The following PIK3C2G variants were observed in gnomAD, a reference collection of about 807,000 sequenced individuals.
PIK3C2G encodes phosphatidylinositol-4-phosphate 3-kinase catalytic subunit type 2 gamma.
A neutral mutation model predicts 181.1 loss-of-function variants in PIK3C2G; 168 were observed. That is an observed-to-expected ratio of 0.93 (90% CI 0.82 to 1.05). PIK3C2G has a LOEUF of 1.05. Among genes scored for constraint, PIK3C2G ranks in the 50% least tolerant of loss-of-function variants. The probability of loss-of-function intolerance (pLI) is 0.00; values close to 1 mark genes in which losing one functional copy is unlikely to be tolerated. For missense variants in PIK3C2G, 1,869 were observed against 1,732.8 expected (o/e 1.08, Z -1.40); for synonymous variants, 573 against 592.2 (o/e 0.97, Z 0.47).
chr12:18,650,335 A>C (rs1185949804), downstream of PIK3C2G, among the ~76,000 whole-genome samples: 8 of 131,072 alleles, frequency 6.1e-5, no homozygotes, highest in Admixed American at 3.0e-4. Flanking sequence ...CTCTCTCTAT[A>C]TATATATATA....
intron 26 of PIK3C2G, among the ~76,000 whole-genome samples, chr12:18,557,113 T>G (rs1248979026): frequency 6.6e-6 from 1 of 152,132 alleles, no homozygotes; most frequent in Non-Finnish European, 1.5e-5. Flanking sequence ...CTGGAAAGTT[T>G]TAGTACACTC....
chr12:18,687,070 G>A, the PIK3C2G span, among the ~76,000 whole-genome samples: 9 of 152,154 alleles, frequency 5.9e-5, no homozygotes, highest in South Asian at 4.1e-4. Context: ...GGACACAGCC[G>A]TAGCAATGTG....
intron 31 of PIK3C2G, among the ~76,000 whole-genome samples, chr12:18,621,561 A>G (rs1374054263): frequency 6.6e-6 from 1 of 151,702 alleles, no homozygotes; most frequent in African/African-American, 2.4e-5. Context: ...TTATTAACAT[A>G]CATGTGTATA....
chr12:18,710,292 T>C, the PIK3C2G span, among the ~76,000 whole-genome samples: 1 of 151,142 alleles, frequency 6.6e-6, no homozygotes, highest in African/African-American at 2.4e-5. Flanking sequence ...CACTCTGAAT[T>C]AGGTGAGGGA....
intron 5 of PIK3C2G, among the ~76,000 whole-genome samples, chr12:18,296,866 G>C (rs1047082356): frequency 6.6e-6 from 1 of 152,052 alleles, no homozygotes; most frequent in Non-Finnish European, 1.5e-5. Flanking sequence ...ATGGAAGCTT[G>C]ATGCAAAATT....
intron 18 of PIK3C2G, among the ~76,000 whole-genome samples, chr12:18,427,037 CAT>C: frequency 6.6e-6 from 1 of 152,214 alleles, no homozygotes; most frequent in East Asian, 1.9e-4. Context: ...GTTCTGCTGT[CAT>C]ATTAAATGTA....
the PIK3C2G span, among the ~76,000 whole-genome samples, chr12:18,661,820 C>T: frequency 2.6e-5 from 4 of 152,044 alleles, no homozygotes; most frequent in East Asian, 1.9e-4. Context: ...ATTGTTCTAC[C>T]GTTGTAGAAA....
intron 29 of PIK3C2G, among the ~76,000 whole-genome samples, chr12:18,580,377 T>C (rs1946437092): frequency 6.6e-6 from 1 of 152,194 alleles, no homozygotes; most frequent in Admixed American, 6.5e-5. Context: ...AGCAGTGTTA[T>C]TTTTTTAAAG....
the PIK3C2G span, among the ~76,000 whole-genome samples, chr12:18,654,314 T>C: frequency 1.5e-5 from 2 of 136,020 alleles, no homozygotes; most frequent in African/African-American, 5.5e-5. Context: ...AAAAAAAATC[T>C]ATCAGATAAG....
rs1238825096 is a variant in PIK3C2G at position 18,503,343 on chromosome 12, A to T, written c.3079A>T (p.Ile1027Leu). 1 of 1,611,552 alleles carries T rather than the reference A, an allele frequency of 6.2e-7. No individual in the cohort carries two copies. The highest frequency in any genetic ancestry group is 8.5e-7 in the Non-Finnish European group (1 of 1,177,992). Residue 1027 changes from isoleucine (I) to leucine (L), a missense_variant, in exon 23 of 33, where the codon ATA becomes TTA. Physicochemically the swap from Ile to Leu is conservative, Grantham distance 5. Coordinates refer to ENST00000538779, the MANE Select transcript of PIK3C2G (RefSeq NM_001288772.2). ...LAKIHRHSGL[I>L]GPLKENTIKK... ...AAAGATTCATCGCCATTCTGGACTG[A>T]TAGGACCATTGAAAGAAAATACAAT...
chr12:18,282,583 C>A lies in PIK3C2G; in HGVS notation c.502C>A (p.His168Asn), dbSNP rs1354369392. 5 of 1,611,652 alleles carry A rather than the reference C, an allele frequency of 3.1e-6. No homozygotes were observed. In the African/African-American group the frequency reaches 5.3e-5, roughly 17 times the overall value. Residue 168 changes from histidine to asparagine, a missense_variant, in exon 2 of 33, where the codon CAT becomes AAT. Transcript: ENST00000538779. ...KELENENHNY[H>N]IGFESSIPPT... Reference sequence around the variant, plus strand: ...ATTAGAAAATGAAAATCATAACTACCATATAGGATTTGAAAGTAGCATTCC... The same window carrying A: ...ATTAGAAAATGAAAATCATAACTACAATATAGGATTTGAAAGTAGCATTCC...
Position 18,335,147 on chromosome 12 carries a change from T to A in PIK3C2G, c.1273-3279T>A, listed in dbSNP as rs76461813. ...TGATCAGTAGGCATAGTTTTTCTTC[T>A]CCCACTTTTTACAGGTGGCTGCTAT... On this transcript the variant is annotated intron_variant, in intron 8 of 32. Transcript: ENST00000538779. 9.8e-3 allele frequency among the ~76,000 whole-genome samples: 1,487 copies of A among 152,166 alleles called. 24 individuals carry two copies. The highest frequency in any genetic ancestry group is 0.034 in the African/African-American group (1,430 of 41,520).
In PIK3C2G at chr12:18,503,423, T is replaced by C. The variant is rs753126362; in HGVS notation, c.3153+6T>C. ...TAAAGGCAGATTATGAAAAGGTTTG[T>C]CCTGTTGCAGATCATTTTAAATAAT... is the stretch of plus-strand genomic sequence containing the variant. On this transcript the variant is annotated splice_donor_region_variant and intron_variant, in intron 23 of 32. Transcript: ENST00000538779. The C allele has an allele frequency of 4.4e-6, 7 of 1,588,124 alleles. No homozygotes were observed. Among genetic ancestry groups the C allele is most frequent in the Admixed American group, 1.8e-5 (1 of 55,820 alleles).
chr12:18,457,583 C>T (rs1267272812), intron 18 of PIK3C2G, among the ~76,000 whole-genome samples: 1 of 152,008 alleles, frequency 6.6e-6, no homozygotes, highest in African/African-American at 2.4e-5. Context: ...TGCAATTTTC[C>T]AGCAAGTACA....
At chr12:18,284,449 A>T (rs1171618880) in intron 2 of PIK3C2G, among the ~76,000 whole-genome samples, 1 of 152,198 alleles carries the variant, frequency 6.6e-6, no homozygotes, top group African/African-American at 2.4e-5. Context: ...CATCTACAAA[A>T]TTCAACATAA....
intron 15 of PIK3C2G, among the ~76,000 whole-genome samples, chr12:18,392,364 A>G (rs1179217271): frequency 2.0e-5 from 3 of 152,044 alleles, no homozygotes; most frequent in Non-Finnish European, 4.4e-5. Context: ...TTTTCTTTTG[A>G]GTAATCTTGC....
In PIK3C2G at chr12:18,362,142, G is replaced by GT. The variant is rs869138535; in HGVS notation, c.1626-615dup. ...TACCCAAGGAGAAGCCATAAATTGG[G>GT]TTTTTTTAAAAAAATCATTCTATGC... On this transcript the variant is annotated intron_variant, in intron 11 of 32. Transcript: ENST00000538779. Among the ~76,000 whole-genome samples, 44 of 152,144 alleles carry GT rather than the reference G, an allele frequency of 2.9e-4. 1 individual carries two copies. The highest frequency in any genetic ancestry group is 8.9e-4 in the African/African-American group (37 of 41,520).
chr12:18,660,607 C>G, the PIK3C2G span, among the ~76,000 whole-genome samples: 1 of 152,052 alleles, frequency 6.6e-6, no homozygotes, highest in Non-Finnish European at 1.5e-5. Flanking sequence ...CCAGAAAAGA[C>G]CTTAGATTTA....
At chr12:18,675,937 G>A in the PIK3C2G span, among the ~76,000 whole-genome samples, 1 of 151,704 alleles carries the variant, frequency 6.6e-6, no homozygotes, top group Non-Finnish European at 1.5e-5. Flanking sequence ...AAAATGACAA[G>A]CACATTAGAA....
Sources: gnomAD v4.1 joint callset for allele counts (sites outside exome capture counted in the v4.1 genomes callset) on GRCh38, gnomAD v4.1.1 for gene constraint, MANE v1.5 for transcripts, NCBI Gene and HGNC (gene_info 2026-07-23, HGNC 2026-07-21) for gene names.